The following GFM1 variants were observed in gnomAD, a reference collection of about 807,000 sequenced individuals.
GFM1 encodes G elongation factor mitochondrial 1, also known as elongation factor G, mitochondrial.
In GFM1, 62 loss-of-function variants were observed where a neutral mutation model predicts 96.2. That is an observed-to-expected ratio of 0.64 (90% CI 0.53 to 0.80). The LOEUF is 0.80. Ranked by LOEUF, GFM1 falls within the 30% of genes least tolerant of loss-of-function variation. GFM1 has a pLI of 0.00. For synonymous variants in GFM1, 282 were observed against 312.9 expected (o/e 0.90, Z 1.04); for missense variants, 852 against 916.6 (o/e 0.93, Z 0.91).
intron 6 of GFM1, 89 bp from the exon 7 acceptor site, chr3:158,653,221 C>G: frequency 2.9e-6 from 3 of 1,026,184 alleles, no homozygotes; most frequent in Non-Finnish European, 4.5e-6. Context: ...AGTAGAGTAT[C>G]AGTTCATTTT....
In GFM1 at chr3:158,665,492, A is replaced by G; in HGVS notation, c.1518+18A>G. 6.3e-7 allele frequency: 1 copy of G among 1,599,148 alleles called. No homozygotes were observed. The highest frequency in any genetic ancestry group is 1.1e-5 in the South Asian group (1 of 90,726). On this transcript the variant is annotated intron_variant, in intron 12 of 17. Transcript: ENST00000486715. ...ATGCTCAGGTAATGAATAATAAGGA[A>G]GTTAAGTTGAAATCAATTTATTACT...
Position 158,652,109 on chromosome 3 carries a change from T to A in GFM1, c.703T>A (p.Tyr235Asn), listed in dbSNP as rs760959060. 96 of 1,614,018 alleles carry A rather than the reference T, an allele frequency of 5.9e-5. No homozygotes were observed. Among genetic ancestry groups the A allele is most frequent in the Non-Finnish European group, 8.1e-5 (95 of 1,179,994 alleles). The change falls in exon 6 of 18, where the codon TAT (tyrosine) becomes AAT (asparagine). Residue 235 changes from tyrosine to asparagine, a missense_variant. Physicochemically the swap from Tyr to Asn is moderately radical, Grantham distance 143 (BLOSUM62 -2). Coordinates refer to ENST00000486715, the MANE Select transcript of GFM1 (RefSeq NM_024996.7). Reference protein sequence around the residue: ...FDGDFGQIVRYGEIPAELRAA... With the variant: ...FDGDFGQIVRNGEIPAELRAA... ...TTGCTTTCTTAGTCAGATTGTTCGA[T>A]ATGGTGAGATTCCAGCTGAATTAAG...
At chr3:158,646,693 TAAA>T (rs1721832472) in intron 3 of GFM1, 47 bp from the exon 4 acceptor site, 1 of 1,483,184 alleles carries the variant, frequency 6.7e-7, no homozygotes, top group South Asian at 1.2e-5. Context: ...GTGCATATAT[TAAA>T]AATTCAGATT....
intron 13 of GFM1, 106 bp downstream of exon 13, chr3:158,666,492 C>T: frequency 8.7e-7 from 1 of 1,143,298 alleles, no homozygotes; most frequent in Non-Finnish European, 1.3e-6. Flanking sequence ...TGTAGTGATA[C>T]TTTGTATTAT....
At chr3:158,677,632 G>A (rs1293875516) in intron 13 of GFM1, among the ~76,000 whole-genome samples, 6 of 152,160 alleles carry the variant, frequency 3.9e-5, no homozygotes, top group African/African-American at 1.4e-4. Context: ...AGCCTCCCAG[G>A]TAGCTGGGAT....
intron 17 of GFM1, 43 bp from the exon 18 acceptor site, chr3:158,691,293 A>G (rs750308499): frequency 2.5e-6 from 4 of 1,583,814 alleles, no homozygotes; most frequent in Middle Eastern, 1.7e-4. Flanking sequence ...TTTAAAAAAC[A>G]AACAAACAAA....
intron 13 of GFM1, among the ~76,000 whole-genome samples, chr3:158,675,389 A>T (rs6441218): frequency 0.42 from 62,492 of 150,464 alleles, 14,115 homozygotes; most frequent in African/African-American, 0.6. Flanking sequence ...TTATATTTTT[A>T]AAAATGTATA....
At chr3:158,670,885 G>C (rs1021679701) in intron 13 of GFM1, 3 of 1,377,606 alleles carry the variant, frequency 2.2e-6, no homozygotes, top group Non-Finnish European at 2.8e-6. Flanking sequence ...AGTGAGCCAT[G>C]TTCTGCCACT....
intron 14 of GFM1, among the ~76,000 whole-genome samples, chr3:158,684,161 T>G (rs934359520): frequency 2.6e-5 from 4 of 152,068 alleles, no homozygotes; most frequent in African/African-American, 9.7e-5. Context: ...TGAGAACATA[T>G]GGACACATAG....
At chr3:158,684,435 A>T (rs1725661443) in intron 14 of GFM1, 89 bp from the exon 15 acceptor site, 3 of 1,327,306 alleles carry the variant, frequency 2.3e-6, no homozygotes, top group Non-Finnish European at 3.3e-6. Flanking sequence ...AAAAACGTAC[A>T]CTTCTGAACA....
intron 10 of GFM1, among the ~76,000 whole-genome samples, chr3:158,662,236 TTC>T (rs1473021301): frequency 6.6e-6 from 1 of 152,104 alleles, no homozygotes; most frequent in Non-Finnish European, 1.5e-5. Flanking sequence ...TTGGTGCCCT[TTC>T]TCTGTTTGCC....
chr3:158,684,448 A>G (rs937022922), intron 14 of GFM1, 76 bp from the exon 15 acceptor site: 8 of 1,464,020 alleles, frequency 5.5e-6, no homozygotes, highest in South Asian at 3.4e-5. Context: ...TCTGAACACA[A>G]ATATTTTGGG....
At chr3:158,671,575 A>T (rs774155596) in intron 13 of GFM1, among the ~76,000 whole-genome samples, 3 of 152,266 alleles carry the variant, frequency 2.0e-5, no homozygotes, top group Non-Finnish European at 2.9e-5. Flanking sequence ...CAAGATACAG[A>T]TTGAAAATTT....
At chr3:158,645,841 A>G (rs1721738200) in intron 2 of GFM1, 60 bp downstream of exon 2, 6 of 1,386,720 alleles carry the variant, frequency 4.3e-6, no homozygotes, top group South Asian at 1.2e-5. Flanking sequence ...TTTTGTTGCT[A>G]TTATTTAATA....
chr3:158,645,620 T>G lies in GFM1; in HGVS notation c.82-9T>G, dbSNP rs1721711640. The stretch of plus-strand genomic sequence containing the variant: ...GGTGCATAGAATTGAGCTCTCGTAT[T>G]TTTTTCAGGTTAATTGGAAGGCCTG... On this transcript the variant is annotated splice_polypyrimidine_tract_variant and intron_variant, in intron 1 of 17. Transcript: ENST00000486715. The G allele has an allele frequency of 6.2e-7, 1 of 1,610,154 alleles. No homozygotes were observed. Among genetic ancestry groups the G allele is most frequent in the Admixed American group, 1.7e-5 (1 of 60,006 alleles).
chr3:158,646,063 A>T, intron 2 of GFM1, 102 bp from the exon 3 acceptor site: 1 of 1,415,446 alleles, frequency 7.1e-7, no homozygotes, highest in South Asian at 1.2e-5. Context: ...GATTATAGGC[A>T]TGAGCCACTG....
At chr3:158,690,438 A>G (rs369406075) in intron 16 of GFM1, 115 bp downstream of exon 16, 8 of 984,790 alleles carry the variant, frequency 8.1e-6, no homozygotes, top group African/African-American at 4.8e-5. Flanking sequence ...GGCTTTATAC[A>G]TGTGGCATTT....
chr3:158,651,325 T>C (rs1722284702), intron 5 of GFM1, among the ~76,000 whole-genome samples: 1 of 152,154 alleles, frequency 6.6e-6, no homozygotes, highest in African/African-American at 2.4e-5. Flanking sequence ...ATGTTGTGAT[T>C]AATAAGAATA....
In GFM1 at chr3:158,668,997, A is replaced by G. The variant is rs776607238; in HGVS notation, c.1601+2611A>G. On this transcript the variant is annotated intron_variant, in intron 13 of 17. Coordinates refer to ENST00000486715, the MANE Select transcript of GFM1 (RefSeq NM_024996.7). ...GTGTATTTTATAGAAACTACTTACC[A>G]CTTGCTTGACAGTTTGAATTTTTAC... 4 of 1,607,944 alleles carry G rather than the reference A, an allele frequency of 2.5e-6. No homozygotes were observed. The South Asian group carries it at 4.5e-5, about 18-fold the overall frequency.
Sources: allele counts gnomAD v4.1 joint callset (sites outside exome capture counted in the v4.1 genomes callset), GRCh38; gene constraint gnomAD v4.1.1; transcripts MANE v1.5; gene names NCBI Gene and HGNC (gene_info 2026-07-23, HGNC 2026-07-21).